Variants in KCNQ5 observed in about 807,000 individuals in gnomAD.
KCNQ5 encodes potassium voltage-gated channel subfamily Q member 5.
In KCNQ5, 30 loss-of-function variants were observed where a neutral mutation model predicts 98.2. The observed-to-expected ratio is 0.31, with a 90% CI of 0.23 to 0.41. KCNQ5 has a LOEUF of 0.41. KCNQ5 is among the 10% of genes least tolerant of loss of function. The probability of loss-of-function intolerance (pLI) is 1.00; values close to 1 mark genes in which losing one functional copy is unlikely to be tolerated. For synonymous variants in KCNQ5, 458 were observed against 449.4 expected (o/e 1.02, Z -0.24); for missense variants, 835 against 1,182.5 (o/e 0.71, Z 4.31).
intron 1 of KCNQ5, among the ~76,000 whole-genome samples, chr6:72,844,853 T>G (rs1776953364): frequency 6.6e-6 from 1 of 152,350 alleles, no homozygotes; most frequent in African/African-American, 2.4e-5. Flanking sequence ...GTGCTTTTGC[T>G]GACTGACACA....
chr6:72,688,826 G>C (rs1334632871), intron 1 of KCNQ5, among the ~76,000 whole-genome samples: 1 of 152,084 alleles, frequency 6.6e-6, no homozygotes, highest in African/African-American at 2.4e-5. Flanking sequence ...AGAAAAGTGA[G>C]TTTTTAAAAT....
intron 1 of KCNQ5, chr6:72,986,946 C>T (rs1768808264): frequency 1.2e-5 from 10 of 840,234 alleles, no homozygotes; most frequent in South Asian, 6.2e-5. Flanking sequence ...GGGCAGATAA[C>T]GGAAGCAGAA....
intron 1 of KCNQ5, among the ~76,000 whole-genome samples, chr6:72,714,874 T>C (rs1769564395): frequency 6.6e-6 from 1 of 152,198 alleles, no homozygotes; most frequent in African/African-American, 2.4e-5. Context: ...TTTCTCATCA[T>C]ATTTAGAATA....
At chr6:72,728,696 C>A (rs1192345658) in intron 1 of KCNQ5, among the ~76,000 whole-genome samples, 1 of 152,134 alleles carries the variant, frequency 6.6e-6, no homozygotes, top group Non-Finnish European at 1.5e-5. Flanking sequence ...TCAACACTTG[C>A]CTTGGTGAAT....
At chr6:72,856,609 A>G (rs1049837050) in intron 1 of KCNQ5, among the ~76,000 whole-genome samples, 6 of 152,344 alleles carry the variant, frequency 3.9e-5, no homozygotes, top group East Asian at 1.9e-4. Flanking sequence ...CCTTATAAAA[A>G]TATTAGACTA....
intron 1 of KCNQ5, among the ~76,000 whole-genome samples, chr6:72,832,971 A>G (rs1776349099): frequency 6.6e-6 from 1 of 152,146 alleles, no homozygotes. Flanking sequence ...CCTGCTTGCC[A>G]TGGACAGCAT....
chr6:73,043,974 A>G (rs1454645158), intron 3 of KCNQ5, among the ~76,000 whole-genome samples: 1 of 152,172 alleles, frequency 6.6e-6, no homozygotes, highest in African/African-American at 2.4e-5. Context: ...CTTTGGATGT[A>G]TCAATAGTGA....
Position 72,962,204 on chromosome 6 carries a change from T to TAC in KCNQ5, c.399-41703_399-41702insCA, listed in dbSNP as rs1454871035. ...CTAAATATATATATATATATATACA[T>TAC]ATATATATATATACACACATATATA... is the stretch of plus-strand genomic sequence containing the variant. On this transcript the variant is annotated intron_variant, in intron 1 of 13. Coordinates refer to ENST00000370398, the MANE Select transcript of KCNQ5 (RefSeq NM_019842.4). Among the ~76,000 whole-genome samples the TAC allele has an allele frequency of 1.7e-3, 146 of 84,540 alleles. 1 individual carries two copies. The highest frequency in any genetic ancestry group is 4.8e-3 in the African/African-American group (144 of 30,036). 55.5% of individuals were successfully genotyped at this position (84,540 alleles called of 152,430 possible).
At chr6:72,729,422 G>T (rs1464086124) in intron 1 of KCNQ5, among the ~76,000 whole-genome samples, 1 of 152,154 alleles carries the variant, frequency 6.6e-6, no homozygotes, top group Non-Finnish European at 1.5e-5. Flanking sequence ...CAAGTATCTG[G>T]GACTACAGGC....
At chr6:73,056,758 T>C (rs1772519608) in intron 3 of KCNQ5, among the ~76,000 whole-genome samples, 1 of 151,934 alleles carries the variant, frequency 6.6e-6, no homozygotes. Context: ...AGGAGTGATG[T>C]GCAATAAAAA....
chr6:73,155,297 C>A (rs1431311274), intron 10 of KCNQ5, among the ~76,000 whole-genome samples: 1 of 152,204 alleles, frequency 6.6e-6, no homozygotes, highest in Non-Finnish European at 1.5e-5. Flanking sequence ...TCTAATTATT[C>A]TGATGTTCTC....
Position 72,662,604 on chromosome 6 carries a change from CTT to C in KCNQ5, c.398+40028_398+40029del, listed in dbSNP as rs35194114. The stretch of plus-strand genomic sequence containing the variant: ...AAAACTCAGGTTAACTTGGAAATAA[CTT>C]TTTTTTTTTTACAATACCTAAGTAA... On this transcript the variant is annotated intron_variant, in intron 1 of 13. Transcript: ENST00000370398. Among the ~76,000 whole-genome samples the C allele has an allele frequency of 6.4e-3, 958 of 148,880 alleles. 9 individuals carry two copies. Among genetic ancestry groups the C allele is most frequent in the African/African-American group, 0.02 (832 of 40,936 alleles).
chr6:73,040,037 G>A (rs77006903), intron 2 of KCNQ5, among the ~76,000 whole-genome samples: 1 of 148,752 alleles, frequency 6.7e-6, no homozygotes. Flanking sequence ...AAAAAAAAAA[G>A]CAGCAAGCAA....
chr6:73,121,445 T>C (rs1396877849), intron 8 of KCNQ5, among the ~76,000 whole-genome samples: 6 of 152,158 alleles, frequency 3.9e-5, no homozygotes, highest in Admixed American at 6.5e-5. Context: ...GAAGTCCTCA[T>C]TGAAATACCG....
In KCNQ5 at chr6:72,625,877, A is replaced by C. The variant is rs148672004; in HGVS notation, c.398+3290A>C. ...ATTCCATTCTGTTTCTTACCTCTCC[A>C]TTAGATGATTTGTAATATTCTCCTG... On this transcript the variant is annotated intron_variant, in intron 1 of 13. Transcript: ENST00000370398. Among the ~76,000 whole-genome samples the C allele has an allele frequency of 1.3e-4, 20 of 152,218 alleles. 1 individual carries two copies. Among genetic ancestry groups the C allele is most frequent in the Middle Eastern group, 3.4e-3 (1 of 294 alleles).
chr6:73,166,277 T>C (rs1777790843), intron 10 of KCNQ5, among the ~76,000 whole-genome samples: 1 of 150,922 alleles, frequency 6.6e-6, no homozygotes, highest in Non-Finnish European at 1.5e-5. Context: ...CTAAAAAAAA[T>C]ACAAAAAAAG....
At chr6:72,907,929 G>A (rs1463723280) in intron 1 of KCNQ5, among the ~76,000 whole-genome samples, 2 of 151,940 alleles carry the variant, frequency 1.3e-5, no homozygotes, top group African/African-American at 4.8e-5. Context: ...GCCTTTTTCT[G>A]TTAATTATTT....
chr6:72,919,554 C>T (rs960533921), intron 1 of KCNQ5, among the ~76,000 whole-genome samples: 1 of 151,962 alleles, frequency 6.6e-6, no homozygotes, highest in African/African-American at 2.4e-5. Flanking sequence ...AGTTCAGTTC[C>T]CAAAATCAAG....
intron 2 of KCNQ5, among the ~76,000 whole-genome samples, chr6:73,005,615 A>T (rs1658860393): frequency 6.6e-6 from 1 of 151,046 alleles, no homozygotes; most frequent in Admixed American, 6.5e-5. Context: ...ACTGATTAGT[A>T]TCTTGACTTT....
Sources: allele counts gnomAD v4.1 joint callset (sites outside exome capture counted in the v4.1 genomes callset), GRCh38; gene constraint gnomAD v4.1.1; transcripts MANE v1.5; gene names NCBI Gene and HGNC (gene_info 2026-07-23, HGNC 2026-07-21).